The following SKAP1 variants were observed in gnomAD, a reference collection of about 807,000 sequenced individuals.
The protein encoded by SKAP1 is src kinase associated phosphoprotein 1.
Under a neutral mutation model 58.5 loss-of-function variants are expected in SKAP1, and 44 were observed. The ratio of observed to expected loss-of-function variants is 0.75; its 90% CI spans 0.59 to 0.97. The LOEUF is 0.97. Among genes scored for constraint, SKAP1 ranks in the 50% least tolerant of loss-of-function variants. The pLI is 0.00. For synonymous variants in SKAP1, 127 were observed against 149.7 expected, an observed-to-expected ratio of 0.85 and a Z score of 1.11; for missense variants, 390 against 435.2, an observed-to-expected ratio of 0.90 and a Z score of 0.92.
intron 4 of SKAP1, among the ~76,000 whole-genome samples, chr17:48,337,601 A>G (rs1230248711): frequency 6.6e-6 from 1 of 152,240 alleles, no homozygotes; most frequent in East Asian, 1.9e-4. Context: ...AAAGATAATT[A>G]ATTAGTTCTA....
chr17:48,412,530 G>A (rs373361000), intron 1 of SKAP1, among the ~76,000 whole-genome samples: 59 of 152,258 alleles, frequency 3.9e-4, no homozygotes, highest in African/African-American at 1.4e-3. Context: ...AAAAGGAAAG[G>A]AAGCCCCCTG....
chr17:48,317,970 T>C (rs930272346), intron 4 of SKAP1, among the ~76,000 whole-genome samples: 15 of 152,018 alleles, frequency 9.9e-5, no homozygotes, highest in African/African-American at 3.6e-4. Flanking sequence ...AAAACAGAAG[T>C]ATCAATAAAA....
intron 11 of SKAP1, among the ~76,000 whole-genome samples, chr17:48,138,370 ATT>A (rs34767643): frequency 1.3e-4 from 17 of 130,160 alleles, no homozygotes; most frequent in Non-Finnish European, 8.3e-5. Context: ...ACACCCGGCT[ATT>A]TTTTTTTTTT....
intron 1 of SKAP1, among the ~76,000 whole-genome samples, chr17:48,397,619 C>A (rs1207776009): frequency 6.6e-6 from 1 of 151,860 alleles, no homozygotes; most frequent in Non-Finnish European, 1.5e-5. Flanking sequence ...ATAAATAGAG[C>A]CGAAATAAAA....
intron 11 of SKAP1, among the ~76,000 whole-genome samples, chr17:48,141,410 C>T (rs1378210196): frequency 1.3e-5 from 2 of 149,348 alleles, no homozygotes; most frequent in Admixed American, 1.3e-4. Context: ...TGAGCCATAG[C>T]CCCTGTTGCC....
At chr17:48,146,003 T>G (rs145633782) in intron 11 of SKAP1, among the ~76,000 whole-genome samples, 84 of 152,312 alleles carry the variant, frequency 5.5e-4, no homozygotes, top group Non-Finnish European at 9.7e-4. Context: ...TGTGTGCATG[T>G]GTACGTAGGC....
intron 4 of SKAP1, among the ~76,000 whole-genome samples, chr17:48,241,631 C>CA (rs2143826942): frequency 6.6e-6 from 1 of 152,156 alleles, no homozygotes; most frequent in South Asian, 2.1e-4. Context: ...GAAGGCCTAA[C>CA]AAAGCAAAAC....
chr17:48,191,106 A>G (rs1230631128), intron 4 of SKAP1, among the ~76,000 whole-genome samples: 1 of 152,268 alleles, frequency 6.6e-6, no homozygotes. Context: ...TTGGCTTTCA[A>G]TTAGCCTTGT....
chr17:48,323,732 G>A (rs1057506391), intron 4 of SKAP1, among the ~76,000 whole-genome samples: 1 of 151,968 alleles, frequency 6.6e-6, no homozygotes, highest in African/African-American at 2.4e-5. Flanking sequence ...AGAACATAAC[G>A]AAGAGGGAGA....
chr17:48,295,352 T>G (rs532382678), intron 4 of SKAP1, among the ~76,000 whole-genome samples: 1 of 152,268 alleles, frequency 6.6e-6, no homozygotes, highest in South Asian at 2.1e-4. Flanking sequence ...AAACTACAAC[T>G]TGTATTTCCT....
At chr17:48,265,280 C>T (rs980329504) in intron 4 of SKAP1, among the ~76,000 whole-genome samples, 3 of 151,890 alleles carry the variant, frequency 2.0e-5, no homozygotes, top group African/African-American at 7.3e-5. Flanking sequence ...CTGAGGGAGG[C>T]GGATCACGAG....
At chr17:48,255,522 C>T (rs2065413701) in intron 4 of SKAP1, among the ~76,000 whole-genome samples, 1 of 151,662 alleles carries the variant, frequency 6.6e-6, no homozygotes, top group Non-Finnish European at 1.5e-5. Context: ...AAAATCTTGA[C>T]CTTTCTCTAT....
At chr17:48,204,197 C>A (rs1487656968) in intron 4 of SKAP1, 1 of 151,386 alleles carries the variant, frequency 6.6e-6, no homozygotes, top group South Asian at 2.1e-4. Flanking sequence ...CGCGCTCAAA[C>A]GATTCTCCTG....
At chr17:48,189,903 C>A (rs979750619) in intron 4 of SKAP1, among the ~76,000 whole-genome samples, 1 of 151,882 alleles carries the variant, frequency 6.6e-6, no homozygotes, top group Non-Finnish European at 1.5e-5. Flanking sequence ...GTCTCGAACT[C>A]CTGACCTCAA....
At chr17:48,310,062 C>G (rs973011778) in intron 4 of SKAP1, among the ~76,000 whole-genome samples, 1 of 152,180 alleles carries the variant, frequency 6.6e-6, no homozygotes, top group South Asian at 2.1e-4. Context: ...GGTTGCATTA[C>G]CAAAAGCAAT....
At chr17:48,341,487 C>G (rs2066651104) in intron 4 of SKAP1, among the ~76,000 whole-genome samples, 1 of 152,096 alleles carries the variant, frequency 6.6e-6, no homozygotes, top group African/African-American at 2.4e-5. Flanking sequence ...AGAGAAATGT[C>G]TTAAAAGTGC....
intron 4 of SKAP1, among the ~76,000 whole-genome samples, chr17:48,262,893 G>T (rs1319968082): frequency 1.3e-5 from 2 of 152,116 alleles, no homozygotes; most frequent in East Asian, 3.9e-4. Flanking sequence ...TGAAGGTGTG[G>T]ATATCTGTAA....
At chr17:48,403,660 G>A (rs1394136888) in intron 1 of SKAP1, among the ~76,000 whole-genome samples, 5 of 152,108 alleles carry the variant, frequency 3.3e-5, no homozygotes, top group African/African-American at 1.2e-4. Context: ...AGGAAAAATG[G>A]TGTGCTCTAA....
At chr17:48,239,850 C>CAG (rs71141976) in intron 4 of SKAP1, among the ~76,000 whole-genome samples, 2,607 of 129,352 alleles carry the variant, frequency 0.02, 39 homozygotes, top group African/African-American at 0.055. Flanking sequence ...GAGAGAGAGA[C>CAG]AGAGAGAGAG....
Sources: gnomAD v4.1 joint callset for allele counts (sites outside exome capture counted in the v4.1 genomes callset) on GRCh38, gnomAD v4.1.1 for gene constraint, MANE v1.5 for transcripts, NCBI Gene and HGNC (gene_info 2026-07-23, HGNC 2026-07-21) for gene names.